Variants in SYN3 observed in about 807,000 individuals in gnomAD.
SYN3 encodes synapsin III.
In SYN3, 35 loss-of-function variants were observed where a neutral mutation model predicts 65.8. The observed-to-expected ratio is 0.53, with a 90% CI of 0.41 to 0.70. The LOEUF is 0.70. SYN3 is among the 30% of genes least tolerant of loss of function. The pLI is 0.00. For missense variants in SYN3, 680 were observed against 749.0 expected, an observed-to-expected ratio of 0.91 and a Z score of 1.08; for synonymous variants, 270 against 292.9, an observed-to-expected ratio of 0.92 and a Z score of 0.80.
intron 6 of SYN3, among the ~76,000 whole-genome samples, chr22:32,679,048 C>CTTTTTTTTTT (rs145971116): frequency 1.9e-4 from 16 of 85,658 alleles, no homozygotes; most frequent in African/African-American, 3.5e-4. Context: ...TTGTTTCTTT[C>CTTTTTTTTTT]TTTTTTTTTT....
intron 6 of SYN3, among the ~76,000 whole-genome samples, chr22:32,823,582 G>A (rs1366072914): frequency 6.6e-6 from 1 of 152,170 alleles, no homozygotes; most frequent in Non-Finnish European, 1.5e-5. Flanking sequence ...AGCAGGAATA[G>A]CAATTGGAGG....
intron 3 of SYN3, among the ~76,000 whole-genome samples, chr22:32,932,801 C>T (rs1366307084): frequency 6.6e-6 from 1 of 152,186 alleles, no homozygotes; most frequent in African/African-American, 2.4e-5. Context: ...GCTTAAACAG[C>T]ATAAATTCAT....
rs769827986 is a variant in SYN3, at chr22:32,541,659, C to T, written c.829G>A (p.Ala277Thr). ...GCCTCGGTGGTGGCGTAGGTTTTGGCCATGGCGACCACGCTGGTGATGTCC... is the reference window on the plus strand; with the variant it reads ...GCCTCGGTGGTGGCGTAGGTTTTGGTCATGGCGACCACGCTGGTGATGTCC... Reference protein sequence around the residue: ...FQDITSVVAMAKTYATTEAFI... With the variant: ...FQDITSVVAMTKTYATTEAFI... The change falls in exon 8 of 14, where the codon GCC becomes ACC. Residue 277 changes from alanine (A) to threonine (T), a missense_variant. Ala to Thr is a moderately conservative substitution (Grantham distance 58). Transcript: ENST00000358763. 140 of 1,613,620 alleles carry T rather than the reference C, an allele frequency of 8.7e-5. No homozygotes were observed. The Admixed American group carries it at 1.1e-3, about 12-fold the overall frequency.
chr22:33,051,764 C>A (rs372002810), intron 1 of SYN3, among the ~76,000 whole-genome samples: 69 of 152,232 alleles, frequency 4.5e-4, no homozygotes, highest in Middle Eastern at 6.8e-3. Flanking sequence ...CTGGAGAAAC[C>A]TCAGCCCAGA....
intron 7 of SYN3, among the ~76,000 whole-genome samples, chr22:32,574,205 G>A (rs1244091835): frequency 1.3e-5 from 2 of 152,008 alleles, no homozygotes; most frequent in East Asian, 1.9e-4. Context: ...CGTGAGCCGG[G>A]TACAGTGGCT....
chr22:32,573,936 ATT>A (rs562426253), intron 7 of SYN3, among the ~76,000 whole-genome samples: 2,890 of 140,578 alleles, frequency 0.021, 90 homozygotes, highest in African/African-American at 0.07. Flanking sequence ...CGCCCGGCTA[ATT>A]TTTTTTTTTT....
intron 6 of SYN3, among the ~76,000 whole-genome samples, chr22:32,836,425 T>C (rs1399372831): frequency 1.3e-5 from 2 of 152,336 alleles, no homozygotes; most frequent in East Asian, 3.9e-4. Context: ...ATACCAGAGG[T>C]TGGCTTTATA....
rs2060272729 is a variant in SYN3 at position 32,665,090 on chromosome 22, C to G, written c.712-68354G>C. Reference sequence around the variant, plus strand: ...CCCGGCTCACCACAACCTCTGCCTCCTGGTTCAAGGGATTCTCATGTCTCA... The same window carrying G: ...CCCGGCTCACCACAACCTCTGCCTCGTGGTTCAAGGGATTCTCATGTCTCA... On this transcript the variant is annotated intron_variant, in intron 6 of 13. Coordinates refer to ENST00000358763, the MANE Select transcript of SYN3 (RefSeq NM_003490.4). 2.1e-5 allele frequency among the ~76,000 whole-genome samples: 3 copies of G among 145,304 alleles called. No individual in the cohort carries two copies. The Admixed American group carries it at 2.2e-4, about 11-fold the overall frequency.
chr22:32,978,875 T>A (rs1457591178), intron 3 of SYN3, among the ~76,000 whole-genome samples: 1 of 152,050 alleles, frequency 6.6e-6, no homozygotes, highest in Non-Finnish European at 1.5e-5. Context: ...TGTGCTACCA[T>A]CATCAATGTT....
intron 7 of SYN3, among the ~76,000 whole-genome samples, chr22:32,566,725 T>C (rs1188010135): frequency 6.6e-6 from 1 of 152,130 alleles, no homozygotes; most frequent in Non-Finnish European, 1.5e-5. Context: ...TTTAAGAAAC[T>C]TGGCTGAGAA....
intron 6 of SYN3, among the ~76,000 whole-genome samples, chr22:32,610,079 G>A: frequency 6.6e-6 from 1 of 152,134 alleles, no homozygotes; most frequent in African/African-American, 2.4e-5. Flanking sequence ...TCAGGAGCTT[G>A]AGACCAGCCT....
chr22:32,728,231 T>C (rs557524940), intron 6 of SYN3, among the ~76,000 whole-genome samples: 146 of 152,354 alleles, frequency 9.6e-4, no homozygotes, highest in Middle Eastern at 6.8e-3. Context: ...GAGGCAAACA[T>C]TGACAAGTGA....
chr22:32,578,037 A>G (rs1246955015), intron 7 of SYN3, among the ~76,000 whole-genome samples: 1 of 152,218 alleles, frequency 6.6e-6, no homozygotes, highest in Non-Finnish European at 1.5e-5. Flanking sequence ...ATTGTGTTTG[A>G]TATTGCATCT....
At chr22:32,831,145 T>C (rs2047563034) in intron 6 of SYN3, among the ~76,000 whole-genome samples, 1 of 152,168 alleles carries the variant, frequency 6.6e-6, no homozygotes, top group African/African-American at 2.4e-5. Flanking sequence ...AGCGTGACCC[T>C]TATGCCTCAA....
intron 2 of SYN3, among the ~76,000 whole-genome samples, chr22:32,991,257 G>C (rs1336698019): frequency 6.6e-6 from 1 of 151,366 alleles, no homozygotes; most frequent in Non-Finnish European, 1.5e-5. Context: ...AGAATAGCTT[G>C]AACTCGGGAG....
At chr22:32,975,505 G>C (rs1370823427) in intron 3 of SYN3, among the ~76,000 whole-genome samples, 1 of 152,092 alleles carries the variant, frequency 6.6e-6, no homozygotes, top group Non-Finnish European at 1.5e-5. Context: ...ATGTTGCCCA[G>C]GCTGGTCATG....
Position 32,510,330 on chromosome 22 carries a change from T to C in SYN3, c.*3362A>G, listed in dbSNP as rs1044302470. On this transcript the variant is annotated 3_prime_UTR_variant, in exon 14 of 14. Coordinates refer to ENST00000358763, the MANE Select transcript of SYN3 (RefSeq NM_003490.4). ...AAATTCGGACTCCTTTAGTCCGACA[T>C]GAAGCTTCATCTGCCTTTGTAACTA... Among the ~76,000 whole-genome samples, 10 of 152,206 alleles carry C rather than the reference T, an allele frequency of 6.6e-5. No individual in the cohort carries two copies. The highest frequency in any genetic ancestry group is 2.2e-4 in the African/African-American group (9 of 41,452).
chr22:32,949,132 C>T (rs892325177), intron 3 of SYN3, among the ~76,000 whole-genome samples: 3 of 151,974 alleles, frequency 2.0e-5, no homozygotes, highest in South Asian at 2.1e-4. Context: ...GGATTTTGGC[C>T]GGGCACAGCA....
chr22:32,654,271 T>A (rs907003902), intron 6 of SYN3, among the ~76,000 whole-genome samples: 2 of 152,102 alleles, frequency 1.3e-5, no homozygotes, highest in Non-Finnish European at 2.9e-5. Flanking sequence ...GTCCTGGCAG[T>A]TTTTCTTGTC....
Sources: allele counts gnomAD v4.1 joint callset (sites outside exome capture counted in the v4.1 genomes callset), GRCh38; gene constraint gnomAD v4.1.1; transcripts MANE v1.5; gene names NCBI Gene and HGNC (gene_info 2026-07-23, HGNC 2026-07-21).